Variants in IFT74 observed in about 807,000 individuals in gnomAD.
The protein encoded by IFT74 is intraflagellar transport protein 74 homolog.
Under a neutral mutation model 96.7 loss-of-function variants are expected in IFT74, and 92 were observed. The observed-to-expected ratio is 0.95, with a 90% confidence interval of 0.80 to 1.13. The LOEUF is 1.13. Ranked by LOEUF, IFT74 falls within the 50% of genes most tolerant of loss-of-function variation. IFT74 has a pLI of 0.00. For missense variants in IFT74, 811 were observed against 698.2 expected, an observed-to-expected ratio of 1.16 and a Z score of -1.82; for synonymous variants, 223 against 213.2, an observed-to-expected ratio of 1.05 and a Z score of -0.40.
intron 2 of IFT74, among the ~76,000 whole-genome samples, chr9:26,977,777 C>T (rs1325548051): frequency 1.3e-5 from 2 of 152,182 alleles, no homozygotes; most frequent in Non-Finnish European, 2.9e-5. Context: ...GCGTGAGCCA[C>T]CACACCCAAC....
chr9:26,964,079 G>T (rs4339734), intron 2 of IFT74, among the ~76,000 whole-genome samples: 2 of 143,120 alleles, frequency 1.4e-5, no homozygotes, highest in Admixed American at 7.1e-5. Context: ...TTTTCTTCTA[G>T]GGTTTTTATG....
At chr9:27,047,794 T>G (rs1819756819) in intron 15 of IFT74, among the ~76,000 whole-genome samples, 1 of 152,192 alleles carries the variant, frequency 6.6e-6, no homozygotes, top group Non-Finnish European at 1.5e-5. Context: ...GTAATGAGTA[T>G]CTCAAATTAT....
chr9:27,039,352 C>T lies in IFT74; in HGVS notation c.1055-5390C>T, dbSNP rs376273163. Among the ~76,000 whole-genome samples, 65 of 152,122 alleles carry T rather than the reference C, an allele frequency of 4.3e-4. No homozygotes were observed. The East Asian group carries it at 6.0e-3, about 14-fold the overall frequency. ...AGCCAGAAGAGCCAGAGTTTTGATG[C>T]GTCTTAATGTACTCTTTCAGGTCAT... On this transcript the variant is annotated intron_variant, in intron 13 of 19. Coordinates refer to ENST00000380062, the MANE Select transcript of IFT74 (RefSeq NM_025103.4).
At chr9:26,973,959 T>C (rs1291432675) in intron 2 of IFT74, among the ~76,000 whole-genome samples, 1 of 152,196 alleles carries the variant, frequency 6.6e-6, no homozygotes. Flanking sequence ...CCTTTTTAAT[T>C]TGGGACATTG....
intron 12 of IFT74, among the ~76,000 whole-genome samples, chr9:27,027,879 A>G (rs899001470): frequency 1.3e-4 from 20 of 152,294 alleles, no homozygotes; most frequent in African/African-American, 4.3e-4. Flanking sequence ...TAAGAAACCA[A>G]TGCCTAATCC....
Position 27,016,924 on chromosome 9 carries a change from G to C in IFT74, c.807G>C (p.Gln269His). The change falls in exon 11 of 20, where the codon CAG becomes CAC. Residue 269 changes from glutamine (Q) to histidine (H), a missense_variant. Coordinates refer to ENST00000380062, the MANE Select transcript of IFT74 (RefSeq NM_025103.4). ...ESLEAEIAHS[Q>H]VKQEAVLLHE... ...TCCTTTAGGAAATAGCTCACTCCCA[G>C]GTGAAACAGGAGGCGGTATTGCTGC... 2 of 1,605,160 alleles carry C rather than the reference G, an allele frequency of 1.2e-6. No individual in the cohort carries two copies. The highest frequency in any genetic ancestry group is 1.7e-6 in the Non-Finnish European group (2 of 1,176,052).
At chr9:27,023,393 T>C (rs1198166049) in intron 12 of IFT74, among the ~76,000 whole-genome samples, 5 of 152,232 alleles carry the variant, frequency 3.3e-5, no homozygotes, top group Admixed American at 2.0e-4. Flanking sequence ...TGTCAAATGC[T>C]TTTTCTGCAT....
chr9:27,038,308 G>A (rs1277172929), intron 13 of IFT74, among the ~76,000 whole-genome samples: 1 of 152,134 alleles, frequency 6.6e-6, no homozygotes, highest in East Asian at 1.9e-4. Flanking sequence ...TGTCACCCAG[G>A]CTGGAGTGCA....
Position 27,064,741 on chromosome 9 carries a change from T to G in IFT74, c.*2005T>G, listed in dbSNP as rs1224354040. Among the ~76,000 whole-genome samples, 1 of 152,164 alleles carries G rather than the reference T, an allele frequency of 6.6e-6. No homozygotes were observed. Among genetic ancestry groups the G allele is most frequent in the Non-Finnish European group, 1.5e-5 (1 of 67,990 alleles). ...AAATTTAAATGCCTTTACTTTTTCC[T>G]TAGGTTTTTTTTTATGATTTCTACT... On this transcript the variant is annotated 3_prime_UTR_variant, in exon 20 of 20. Coordinates refer to ENST00000380062, the MANE Select transcript of IFT74 (RefSeq NM_025103.4).
At chr9:26,973,803 G>T (rs192417518) in intron 2 of IFT74, among the ~76,000 whole-genome samples, 1 of 152,210 alleles carries the variant, frequency 6.6e-6, no homozygotes, top group Non-Finnish European at 1.5e-5. Flanking sequence ...AGACACTCCT[G>T]AATCAATTAA....
intron 13 of IFT74, among the ~76,000 whole-genome samples, chr9:27,040,920 A>G (rs1297970738): frequency 5.9e-5 from 9 of 152,178 alleles, no homozygotes; most frequent in Non-Finnish European, 1.2e-4. Flanking sequence ...AAGTAAAAGT[A>G]TGGGGTGAAC....
At chr9:27,055,813 G>GT (rs1319575670) in intron 17 of IFT74, 41 bp downstream of exon 17, 7 of 1,313,124 alleles carry the variant, frequency 5.3e-6, no homozygotes. Context: ...AATTCAGATT[G>GT]TTTTTTTCTT....
chr9:26,983,582 A>G (rs1827483362), intron 4 of IFT74, among the ~76,000 whole-genome samples: 1 of 152,118 alleles, frequency 6.6e-6, no homozygotes, highest in Admixed American at 6.6e-5. Flanking sequence ...CATTAGTGCT[A>G]CTGTTGAGAA....
chr9:27,033,413 G>T (rs1464274359), intron 13 of IFT74, among the ~76,000 whole-genome samples: 1 of 151,916 alleles, frequency 6.6e-6, no homozygotes, highest in Non-Finnish European at 1.5e-5. Flanking sequence ...ACAAAAATTA[G>T]CCAGGCATGG....
At chr9:27,041,437 C>T (rs894428524) in intron 13 of IFT74, among the ~76,000 whole-genome samples, 2 of 152,296 alleles carry the variant, frequency 1.3e-5, no homozygotes, top group East Asian at 1.9e-4. Context: ...ATTACAGTAT[C>T]TGGCACTTAG....
chr9:27,018,761 G>A (rs1223459742), intron 12 of IFT74, 74 bp downstream of exon 12: 23 of 860,858 alleles, frequency 2.7e-5, no homozygotes, highest in Non-Finnish European at 3.5e-5. Flanking sequence ...GTACAGGAGT[G>A]GCTTTCATTC....
chr9:26,952,686 G>T (rs574587596), upstream of IFT74, among the ~76,000 whole-genome samples: 2 of 152,196 alleles, frequency 1.3e-5, no homozygotes, highest in Admixed American at 1.3e-4. Context: ...CTCTCTGGAG[G>T]CTTATCAGTT....
chr9:27,007,521 A>G (rs1828854486), intron 8 of IFT74, among the ~76,000 whole-genome samples: 1 of 152,218 alleles, frequency 6.6e-6, no homozygotes, highest in Non-Finnish European at 1.5e-5. Context: ...TTGTAATTGA[A>G]GCTCCAAGTG....
rs930337657 is a variant in IFT74, at chr9:27,063,030, A to G, written c.*294A>G. On this transcript the variant is annotated 3_prime_UTR_variant, in exon 20 of 20. Transcript: ENST00000380062. ...TTTATTTAGCTGGTATAATCCATCT[A>G]TGGCAACAAATGAGATAAGCTTTTC... 4.2e-5 allele frequency: 11 copies of G among 264,824 alleles called. No individual in the cohort carries two copies. The highest frequency in any genetic ancestry group is 2.3e-4 in the African/African-American group (10 of 43,826). 16.4% of individuals were successfully genotyped at this position (264,824 alleles called of 1,614,324 possible).
Sources: gnomAD v4.1 joint callset for allele counts (sites outside exome capture counted in the v4.1 genomes callset) on GRCh38, gnomAD v4.1.1 for gene constraint, MANE v1.5 for transcripts, NCBI Gene and HGNC (gene_info 2026-07-23, HGNC 2026-07-21) for gene names.